RCAN1: variants seen among roughly 807,000 people sequenced by gnomAD.
RCAN1 encodes the protein calcipressin-1.
Under a neutral mutation model 22.9 loss-of-function variants are expected in RCAN1, and 11 were observed. The observed-to-expected ratio is 0.48, with a 90% CI of 0.30 to 0.79. The LOEUF is 0.79. RCAN1 is among the 30% of genes least tolerant of loss of function. RCAN1 has a pLI of 0.06. For synonymous variants in RCAN1, 136 were observed against 142.3 expected (o/e 0.96, Z 0.32); for missense variants, 291 against 337.8 (o/e 0.86, Z 1.09).
Position 34,581,292 on chromosome 21 carries a change from CTGTT to C in RCAN1, c.252+33464_252+33467del, listed in dbSNP as rs141296530. Among the ~76,000 whole-genome samples, 554 of 152,278 alleles carry C rather than the reference CTGTT, an allele frequency of 3.6e-3. 7 individuals carry two copies. Among genetic ancestry groups the C allele is most frequent in the East Asian group, 0.022 (115 of 5,182 alleles). ...CCAACATCCCAGCCAAATCAAGACG[CTGTT>C]TGTAGGGTCCAAACTGCCTCTGCTT... On this transcript the variant is annotated intron_variant, in intron 1 of 3. Transcript: ENST00000313806.
intron 1 of RCAN1, among the ~76,000 whole-genome samples, chr21:34,562,865 C>G (rs1986844825): frequency 6.6e-6 from 1 of 152,212 alleles, no homozygotes; most frequent in Admixed American, 6.5e-5. Flanking sequence ...GTAGGATATT[C>G]TTATCTACGA....
chr21:34,564,745 T>TA (rs1986941035), intron 1 of RCAN1, among the ~76,000 whole-genome samples: 2 of 152,232 alleles, frequency 1.3e-5, no homozygotes, highest in South Asian at 2.1e-4. Context: ...ATTTATATTT[T>TA]AAAATCCTGG....
At position 34,598,198 on chromosome 21, in the gene RCAN1, G is replaced by C. The variant is rs192497344; in HGVS notation, c.252+16562C>G. On this transcript the variant is annotated intron_variant, in intron 1 of 3. Transcript: ENST00000313806. ...CTTGTAAGGGAGTAGAGGACAGTTTGAAAGTAACAGTATACTTCTAGAGTT... is the reference window on the plus strand; with the variant it reads ...CTTGTAAGGGAGTAGAGGACAGTTTCAAAGTAACAGTATACTTCTAGAGTT... Among the ~76,000 whole-genome samples the C allele has an allele frequency of 7.2e-5, 11 of 152,282 alleles. No individual in the cohort carries two copies. The East Asian group carries it at 1.3e-3, about 19-fold the overall frequency.
intron 1 of RCAN1, chr21:34,525,290 C>T (rs1050433991): frequency 1.3e-6 from 2 of 1,544,216 alleles, no homozygotes; most frequent in East Asian, 2.5e-5. Flanking sequence ...GAACAACCTA[C>T]GACCTTGCTC....
At chr21:34,556,429 AAATAATAATAAT>A (rs56236946) in intron 1 of RCAN1, among the ~76,000 whole-genome samples, 1 of 145,546 alleles carries the variant, frequency 6.9e-6, no homozygotes, top group Non-Finnish European at 1.5e-5. Context: ...TTGTCTCAAA[AAATAATAATAAT>A]AATAATAATA....
At chr21:34,543,920 G>A (rs997976599) in intron 1 of RCAN1, among the ~76,000 whole-genome samples, 2 of 152,200 alleles carry the variant, frequency 1.3e-5, no homozygotes, top group African/African-American at 2.4e-5. Flanking sequence ...CTAGCCATTC[G>A]GAGTGGTCAG....
chr21:34,573,404 C>T (rs1987300853), intron 1 of RCAN1, among the ~76,000 whole-genome samples: 4 of 152,194 alleles, frequency 2.6e-5, no homozygotes, highest in Admixed American at 2.6e-4. Flanking sequence ...CATCAATGTC[C>T]TGTTACCATG....
intron 1 of RCAN1, among the ~76,000 whole-genome samples, chr21:34,596,966 TA>T (rs2123719321): frequency 6.6e-6 from 1 of 150,638 alleles, no homozygotes; most frequent in South Asian, 2.1e-4. Flanking sequence ...AGGGGAGGAG[TA>T]AAGAAGGGGT....
intron 1 of RCAN1, among the ~76,000 whole-genome samples, chr21:34,602,225 G>A (rs1988376846): frequency 6.6e-6 from 1 of 152,066 alleles, no homozygotes; most frequent in Admixed American, 6.6e-5. Context: ...CAGAATCTCA[G>A]GCACAGCCCC....
At position 34,614,089 on chromosome 21, in the gene RCAN1, G is replaced by A. The variant is rs7282741; in HGVS notation, c.252+671C>T. On this transcript the variant is annotated intron_variant, in intron 1 of 3. Coordinates refer to ENST00000313806, the MANE Select transcript of RCAN1 (RefSeq NM_004414.7). The surrounding 1 kb of genome is among the most constrained non-coding windows in gnomAD (Gnocchi z 6.0). ...ATTGTGTGGATTTTGCGGGGGTGGGGGGAGGCGGGGGAAGGAGTCGACTCC... is the reference window on the plus strand; with the variant it reads ...ATTGTGTGGATTTTGCGGGGGTGGGAGGAGGCGGGGGAAGGAGTCGACTCC... 0.016 allele frequency among the ~76,000 whole-genome samples: 2,395 copies of A among 152,274 alleles called. 54 individuals are homozygous for A. The highest frequency in any genetic ancestry group is 0.055 in the African/African-American group (2,264 of 41,536).
intron 1 of RCAN1, among the ~76,000 whole-genome samples, chr21:34,572,921 C>T (rs1987282158): frequency 6.6e-6 from 1 of 152,134 alleles, no homozygotes; most frequent in African/African-American, 2.4e-5. Flanking sequence ...CTCATTATCA[C>T]AAGAATAGCA....
At chr21:34,575,337 C>T (rs9978715) in intron 1 of RCAN1, among the ~76,000 whole-genome samples, 26,353 of 152,152 alleles carry the variant, frequency 0.17, 2,746 homozygotes, top group South Asian at 0.25. Flanking sequence ...TCCTTTCCTC[C>T]TTCTCTTCCT....
intron 1 of RCAN1, among the ~76,000 whole-genome samples, chr21:34,557,330 A>G (rs2834538): frequency 0.24 from 36,811 of 152,194 alleles, 5,195 homozygotes; most frequent in African/African-American, 0.39. Context: ...ACACTTGGAT[A>G]GCTCACTCCA....
intron 1 of RCAN1, among the ~76,000 whole-genome samples, chr21:34,527,400 C>G (rs1985132689): frequency 6.6e-6 from 1 of 152,012 alleles, no homozygotes; most frequent in African/African-American, 2.4e-5. Flanking sequence ...TTTTAAAGGA[C>G]AAAAAGAGGA....
intron 1 of RCAN1, among the ~76,000 whole-genome samples, chr21:34,552,878 G>A (rs1476906209): frequency 3.3e-5 from 5 of 152,160 alleles, no homozygotes; most frequent in Non-Finnish European, 7.3e-5. Flanking sequence ...TTTCCCTCTG[G>A]AGATATAGCT....
At chr21:34,567,999 C>A (rs1987093285) in intron 1 of RCAN1, among the ~76,000 whole-genome samples, 1 of 152,212 alleles carries the variant, frequency 6.6e-6, no homozygotes, top group Admixed American at 6.5e-5. Flanking sequence ...ACAGAAGGGG[C>A]TCGGCTCTGG....
chr21:34,533,628 G>A (rs1461447670), intron 1 of RCAN1, among the ~76,000 whole-genome samples: 3 of 152,128 alleles, frequency 2.0e-5, no homozygotes, highest in African/African-American at 7.2e-5. Flanking sequence ...CCGCCCTCTT[G>A]GAGCTTACAT....
At chr21:34,563,386 T>C (rs1418816055) in intron 1 of RCAN1, among the ~76,000 whole-genome samples, 1 of 152,178 alleles carries the variant, frequency 6.6e-6, no homozygotes, top group African/African-American at 2.4e-5. Flanking sequence ...GGGAAATTAT[T>C]CCTACATTAA....
At chr21:34,574,956 G>A (rs746910253) in intron 1 of RCAN1, among the ~76,000 whole-genome samples, 1 of 152,202 alleles carries the variant, frequency 6.6e-6, no homozygotes, top group African/African-American at 2.4e-5. Flanking sequence ...CAATGGTTAC[G>A]GCATCAAGTG....
Sources: allele counts gnomAD v4.1 joint callset (sites outside exome capture counted in the v4.1 genomes callset), GRCh38; gene constraint gnomAD v4.1.1; non-coding constraint Gnocchi (gnomAD v3.1); transcripts MANE v1.5; gene names NCBI Gene and HGNC (gene_info 2026-07-23, HGNC 2026-07-21).